MYT1L: variants seen among roughly 807,000 people sequenced by gnomAD.
MYT1L encodes the protein myelin transcription factor 1 like.
A neutral mutation model predicts 126.7 loss-of-function variants in MYT1L; 12 were observed. That is an observed-to-expected ratio of 0.09 (90% confidence interval 0.06 to 0.15). The LOEUF (loss-of-function observed/expected upper bound fraction) is 0.15. Among genes scored for constraint, MYT1L ranks in the 10% least tolerant of loss-of-function variants. The probability of loss-of-function intolerance (pLI) is 1.00; values close to 1 mark genes in which losing one functional copy is unlikely to be tolerated. For synonymous variants in MYT1L, 541 were observed against 604.2 expected (o/e 0.90, Z 1.53); for missense variants, 979 against 1,585.2 (o/e 0.62, Z 6.49).
intron 4 of MYT1L, among the ~76,000 whole-genome samples, chr2:2,043,208 G>T (rs1417867431): frequency 6.6e-6 from 1 of 152,042 alleles, no homozygotes; most frequent in Admixed American, 6.5e-5. Flanking sequence ...CTCCAAAATT[G>T]AGGACTCTTG....
chr2:1,980,561 C>T (rs965830135), intron 5 of MYT1L, among the ~76,000 whole-genome samples: 1 of 152,056 alleles, frequency 6.6e-6, no homozygotes, highest in Non-Finnish European at 1.5e-5. Context: ...ACATCTTATA[C>T]TTGAGACATT....
chr2:1,970,551 G>A (rs776578879), intron 8 of MYT1L, among the ~76,000 whole-genome samples: 2 of 152,210 alleles, frequency 1.3e-5, no homozygotes, highest in Non-Finnish European at 2.9e-5. Flanking sequence ...GCATCCCGTG[G>A]TCGGCAGAGG....
rs116209957 is a variant in MYT1L, at chr2:2,022,898, T to C, written c.-157-25551A>G. Reference sequence around the variant, plus strand: ...AGGCGTTTCATCTTAAATAACTACTTTTCAGAACTGGCCACAGATACTCAG... The same window carrying C: ...AGGCGTTTCATCTTAAATAACTACTCTTCAGAACTGGCCACAGATACTCAG... On this transcript the variant is annotated intron_variant, in intron 4 of 24. Coordinates refer to ENST00000647738, the MANE Select transcript of MYT1L (RefSeq NM_001303052.2). 8.5e-3 allele frequency among the ~76,000 whole-genome samples: 1,293 copies of C among 152,282 alleles called. 27 individuals carry two copies. Among genetic ancestry groups the C allele is most frequent in the African/African-American group, 0.029 (1,214 of 41,552 alleles).
chr2:1,898,732 C>A (rs539910035), intron 14 of MYT1L, among the ~76,000 whole-genome samples: 2 of 152,232 alleles, frequency 1.3e-5, no homozygotes, highest in Non-Finnish European at 2.9e-5. Flanking sequence ...GGGCCGCGGA[C>A]TGCCTGCAGG....
At chr2:2,257,410 G>C (rs911294122) in intron 2 of MYT1L, among the ~76,000 whole-genome samples, 2 of 152,192 alleles carry the variant, frequency 1.3e-5, no homozygotes, top group Non-Finnish European at 2.9e-5. Flanking sequence ...GGCTGCGGTG[G>C]CTTATGCCTG....
chr2:2,115,016 G>A (rs755114452), intron 3 of MYT1L, among the ~76,000 whole-genome samples: 8 of 152,156 alleles, frequency 5.3e-5, no homozygotes, highest in African/African-American at 9.7e-5. Flanking sequence ...ACAGCAGAGC[G>A]TTCAGGGCTT....
At chr2:2,139,069 G>T (rs887988027) in intron 3 of MYT1L, among the ~76,000 whole-genome samples, 3 of 151,588 alleles carry the variant, frequency 2.0e-5, no homozygotes, top group Non-Finnish European at 4.4e-5. Flanking sequence ...TGTATTAGGT[G>T]CCAGAATAGG....
chr2:1,828,427 T>A (rs1266292078), intron 21 of MYT1L: 1 of 152,200 alleles, frequency 6.6e-6, no homozygotes, highest in East Asian at 1.9e-4. Flanking sequence ...CTCCTCCAGA[T>A]CCAGACCCTA....
At chr2:2,165,089 C>A (rs1333986118) in intron 3 of MYT1L, among the ~76,000 whole-genome samples, 1 of 152,134 alleles carries the variant, frequency 6.6e-6, no homozygotes. Flanking sequence ...CGCCAGCTCT[C>A]CAGGGGCACC....
intron 2 of MYT1L, among the ~76,000 whole-genome samples, chr2:2,179,944 C>T (rs994370244): frequency 1.3e-5 from 2 of 152,172 alleles, no homozygotes; most frequent in African/African-American, 4.8e-5. Flanking sequence ...ATCATTCTGG[C>T]CCTCAGGAGG....
intron 19 of MYT1L, among the ~76,000 whole-genome samples, chr2:1,845,253 C>T (rs776171597): frequency 2.6e-5 from 4 of 152,128 alleles, no homozygotes; most frequent in South Asian, 4.2e-4. Context: ...GGATTACAGG[C>T]GTGAGCTACC....
At chr2:2,246,552 C>T (rs1286439201) in intron 2 of MYT1L, among the ~76,000 whole-genome samples, 4 of 152,190 alleles carry the variant, frequency 2.6e-5, no homozygotes, top group Non-Finnish European at 5.9e-5. Context: ...TTTTCTTGTC[C>T]TGCCTTCAGA....
chr2:1,817,561 G>A (rs962637531), intron 21 of MYT1L, among the ~76,000 whole-genome samples: 6 of 147,980 alleles, frequency 4.1e-5, no homozygotes, highest in Admixed American at 6.6e-5. Context: ...GTCCAAACGC[G>A]GCTGTGTCGG....
Position 1,892,244 on chromosome 2 carries a change from G to A in MYT1L, c.2076C>T (p.Thr692=), listed in dbSNP as rs765407201. Residue 692 remains threonine (T), a synonymous_variant, in exon 15 of 25, where the codon ACC becomes ACT. Coordinates refer to ENST00000647738, the MANE Select transcript of MYT1L (RefSeq NM_001303052.2). ...TGCTGCTGCTGGGCGCGTAGCTGCT[G>A]GTGCTGCTGCTGCTGGGGCTGGGGT... ...CKDPSPSSSS[T]SSYAPSSSSN... 5.8e-6 allele frequency: 9 copies of A among 1,549,762 alleles called. No individual in the cohort carries two copies. The South Asian group carries it at 8.3e-5, about 14-fold the overall frequency.
intron 2 of MYT1L, among the ~76,000 whole-genome samples, chr2:2,207,153 C>A (rs2093351454): frequency 6.6e-6 from 1 of 152,180 alleles, no homozygotes; most frequent in Non-Finnish European, 1.5e-5. Flanking sequence ...AGAACCCAAC[C>A]TTCTCTTTCC....
chr2:1,883,056 T>C (rs2047761459), intron 18 of MYT1L, among the ~76,000 whole-genome samples: 1 of 152,204 alleles, frequency 6.6e-6, no homozygotes, highest in Admixed American at 6.6e-5. Context: ...AAGTACAATC[T>C]GCTCACTGCC....
At chr2:2,227,133 TG>T (rs1298076907) in intron 2 of MYT1L, among the ~76,000 whole-genome samples, 1 of 152,170 alleles carries the variant, frequency 6.6e-6, no homozygotes, top group African/African-American at 2.4e-5. Flanking sequence ...TGTCCCGGCC[TG>T]CTTTTCCCCT....
chr2:1,827,696 T>C (rs559024837), intron 21 of MYT1L: 217 of 152,294 alleles, frequency 1.4e-3, no homozygotes, highest in African/African-American at 4.9e-3. Context: ...CTCCTGAGTG[T>C]GCCCTGTCTA....
At chr2:1,833,357 C>A (rs1177642168) in intron 21 of MYT1L, among the ~76,000 whole-genome samples, 2 of 151,514 alleles carry the variant, frequency 1.3e-5, no homozygotes, top group East Asian at 1.9e-4. Context: ...CTGTCCAGAA[C>A]GCTTGCTGGG....
Sources: gnomAD v4.1 joint callset for allele counts (sites outside exome capture counted in the v4.1 genomes callset) on GRCh38, gnomAD v4.1.1 for gene constraint, MANE v1.5 for transcripts, NCBI Gene and HGNC (gene_info 2026-07-23, HGNC 2026-07-21) for gene names.